The following CCSER1 variants were observed in gnomAD, a reference collection of about 807,000 sequenced individuals.
CCSER1 encodes serine-rich coiled-coil domain-containing protein 1.
A neutral mutation model predicts 82.0 loss-of-function variants in CCSER1; 41 were observed. That is an observed-to-expected ratio of 0.50 (90% confidence interval 0.39 to 0.65). The LOEUF (loss-of-function observed/expected upper bound fraction) is 0.65, where lower values mean the gene tolerates loss of function less well. CCSER1 is among the 30% of genes least tolerant of loss of function. The pLI is 0.00. For missense variants in CCSER1, 1,119 were observed against 1,064.2 expected, an observed-to-expected ratio of 1.05 and a Z score of -0.72; for synonymous variants, 414 against 383.9, an observed-to-expected ratio of 1.08 and a Z score of -0.92.
intron 10 of CCSER1, among the ~76,000 whole-genome samples, chr4:91,335,399 G>A (rs1747247417): frequency 6.6e-6 from 1 of 152,068 alleles, no homozygotes; most frequent in African/African-American, 2.4e-5. Flanking sequence ...GAAAACAGCG[G>A]GAAGGGTGGC....
intron 10 of CCSER1, among the ~76,000 whole-genome samples, chr4:91,249,031 G>T (rs558591038): frequency 1.3e-5 from 2 of 152,048 alleles, no homozygotes; most frequent in Non-Finnish European, 2.9e-5. Flanking sequence ...TCTTGCTTCT[G>T]TCTACTCTAT....
chr4:90,215,101 G>A (rs1291882704), intron 1 of CCSER1, among the ~76,000 whole-genome samples: 1 of 152,050 alleles, frequency 6.6e-6, no homozygotes, highest in African/African-American at 2.4e-5. Context: ...TTTTCTGGTT[G>A]AATAGAATTC....
chr4:90,967,529 A>G (rs976655440), intron 9 of CCSER1, among the ~76,000 whole-genome samples: 16 of 152,162 alleles, frequency 1.1e-4, no homozygotes, highest in African/African-American at 3.9e-4. Flanking sequence ...TTGGACACCT[A>G]CCTCACAACA....
intron 10 of CCSER1, among the ~76,000 whole-genome samples, chr4:91,182,101 G>C (rs1734088907): frequency 6.6e-6 from 1 of 152,116 alleles, no homozygotes; most frequent in African/African-American, 2.4e-5. Context: ...TCCCCAGATG[G>C]GTGGCTGTGT....
chr4:90,916,456 G>A (rs1420614192), intron 8 of CCSER1, among the ~76,000 whole-genome samples: 2 of 152,028 alleles, frequency 1.3e-5, no homozygotes, highest in Admixed American at 6.6e-5. Flanking sequence ...AAACTGGCTC[G>A]CCATATGGAG....
At chr4:90,555,454 A>G (rs183491955) in intron 5 of CCSER1, among the ~76,000 whole-genome samples, 99 of 152,260 alleles carry the variant, frequency 6.5e-4, no homozygotes, top group African/African-American at 2.3e-3. Context: ...GCAAATGAGA[A>G]TGTAAAGTTC....
chr4:90,932,986 A>AAGAAAGAAAGAAAG (rs1561385203), intron 9 of CCSER1, among the ~76,000 whole-genome samples: 7 of 29,170 alleles, frequency 2.4e-4, no homozygotes, highest in East Asian at 5.4e-4. Context: ...AAGAAAGAGA[A>AAGAAAGAAAGAAAG]AGAAAGAAAG....
At chr4:90,267,115 A>G (rs188135512) in intron 1 of CCSER1, among the ~76,000 whole-genome samples, 4 of 152,168 alleles carry the variant, frequency 2.6e-5, no homozygotes, top group African/African-American at 9.6e-5. Flanking sequence ...GCCCAGTGTT[A>G]GAAAGGGTAG....
At chr4:90,723,528 C>T (rs531395753) in intron 6 of CCSER1, among the ~76,000 whole-genome samples, 10 of 151,492 alleles carry the variant, frequency 6.6e-5, no homozygotes, top group African/African-American at 1.9e-4. Context: ...CTGTAATACA[C>T]GTTTGAAAAT....
At chr4:90,281,830 G>A (rs903753267) in intron 1 of CCSER1, among the ~76,000 whole-genome samples, 1 of 152,128 alleles carries the variant, frequency 6.6e-6, no homozygotes, top group East Asian at 1.9e-4. Context: ...ACTTGAACAT[G>A]AGCAAAATTG....
chr4:90,274,394 GTCTTT>G (rs1727155798), intron 1 of CCSER1, among the ~76,000 whole-genome samples: 1 of 152,122 alleles, frequency 6.6e-6, no homozygotes, highest in East Asian at 1.9e-4. Flanking sequence ...TGCTGTGTGT[GTCTTT>G]TCTTATCACT....
intron 1 of CCSER1, among the ~76,000 whole-genome samples, chr4:90,219,384 C>T (rs1183761464): frequency 2.0e-5 from 3 of 152,034 alleles, no homozygotes; most frequent in Non-Finnish European, 4.4e-5. Context: ...AATGGACATC[C>T]AATTGTAGAT....
At chr4:90,766,185 C>T (rs192188057) in intron 7 of CCSER1, among the ~76,000 whole-genome samples, 8 of 152,212 alleles carry the variant, frequency 5.3e-5, no homozygotes, top group Non-Finnish European at 7.4e-5. Context: ...CAGTGCCTAT[C>T]AACCAGCCTA....
intron 1 of CCSER1, among the ~76,000 whole-genome samples, chr4:90,224,162 C>A (rs1176348051): frequency 6.6e-6 from 1 of 152,056 alleles, no homozygotes; most frequent in African/African-American, 2.4e-5. Context: ...TGTACAGAAC[C>A]CAGCTAATCA....
intron 10 of CCSER1, among the ~76,000 whole-genome samples, chr4:91,451,269 T>C (rs1035489987): frequency 6.6e-6 from 1 of 151,958 alleles, no homozygotes; most frequent in African/African-American, 2.4e-5. Context: ...TTTCAACATA[T>C]GAAAATTTAA....
At chr4:90,806,686 A>G (rs1757556796) in intron 7 of CCSER1, among the ~76,000 whole-genome samples, 1 of 152,122 alleles carries the variant, frequency 6.6e-6, no homozygotes, top group Non-Finnish European at 1.5e-5. Flanking sequence ...CTAGCTATTC[A>G]TGAGGCACTC....
chr4:91,089,334 A>C (rs542978260), intron 10 of CCSER1, among the ~76,000 whole-genome samples: 1 of 152,308 alleles, frequency 6.6e-6, no homozygotes, highest in East Asian at 1.9e-4. Flanking sequence ...TTTAACTATC[A>C]GGCTAAGGTC....
chr4:90,591,502 T>A (rs1030660832), intron 5 of CCSER1, among the ~76,000 whole-genome samples: 1 of 152,186 alleles, frequency 6.6e-6, no homozygotes, highest in African/African-American at 2.4e-5. Flanking sequence ...CTCATGCCAG[T>A]TAGAATGGCA....
In CCSER1 at chr4:91,391,216, T is replaced by C. The variant is rs553568058; in HGVS notation, c.2218-207356T>C. Among the ~76,000 whole-genome samples, 294 of 152,316 alleles carry C rather than the reference T, an allele frequency of 1.9e-3. 9 individuals are homozygous for C. In the South Asian group the frequency reaches 0.059, roughly 31 times the overall value. Reference sequence around the variant, plus strand: ...AATTCTCCTCTAACCACTGCTGCATTGCATTCTAAAAAATTTAATAAATTA... The same window carrying C: ...AATTCTCCTCTAACCACTGCTGCATCGCATTCTAAAAAATTTAATAAATTA... On this transcript the variant is annotated intron_variant, in intron 10 of 10. Coordinates refer to ENST00000509176, the MANE Select transcript of CCSER1 (RefSeq NM_001145065.2).
Sources: allele counts gnomAD v4.1 joint callset (sites outside exome capture counted in the v4.1 genomes callset), GRCh38; gene constraint gnomAD v4.1.1; transcripts MANE v1.5; gene names NCBI Gene and HGNC (gene_info 2026-07-23, HGNC 2026-07-21).